Variants in HYCC1 observed in about 807,000 individuals in gnomAD.
HYCC1 encodes hyccin.
At chr7:22,897,320 C>A in the HYCC1 span, among the ~76,000 whole-genome samples, 1 of 152,148 alleles carries the variant, frequency 6.6e-6, no homozygotes, top group African/African-American at 2.4e-5. Flanking sequence ...TGACAGGAAA[C>A]AACTGGAGAG....
At chr7:22,999,587 T>G in the HYCC1 span, among the ~76,000 whole-genome samples, 1 of 152,140 alleles carries the variant, frequency 6.6e-6, no homozygotes, top group Admixed American at 6.6e-5. Context: ...ATATAATTTA[T>G]CCAGACAGTA....
the HYCC1 span, among the ~76,000 whole-genome samples, chr7:22,979,413 A>C: frequency 2.0e-5 from 3 of 152,234 alleles, no homozygotes; most frequent in Non-Finnish European, 4.4e-5. Context: ...AGAGGGCAAC[A>C]GATGTCCACT....
the HYCC1 span, among the ~76,000 whole-genome samples, chr7:22,996,450 G>C: frequency 6.6e-6 from 1 of 151,680 alleles, no homozygotes; most frequent in African/African-American, 2.4e-5. Context: ...ACATGTGCAG[G>C]TTTGTTACAT....
At chr7:22,912,702 C>A in the HYCC1 span, among the ~76,000 whole-genome samples, 7 of 152,176 alleles carry the variant, frequency 4.6e-5, no homozygotes, top group African/African-American at 1.7e-4. Flanking sequence ...CCCAAAGTAA[C>A]TGACCATTTG....
At chr7:22,946,363 G>A in the HYCC1 span, among the ~76,000 whole-genome samples, 1 of 152,032 alleles carries the variant, frequency 6.6e-6, no homozygotes, top group Non-Finnish European at 1.5e-5. Context: ...TTAAATGACA[G>A]TAATTTATAG....
the HYCC1 span, among the ~76,000 whole-genome samples, chr7:22,967,430 G>T: frequency 1.4e-4 from 22 of 152,322 alleles, no homozygotes; most frequent in Middle Eastern, 0.01. Flanking sequence ...ATTTTAGCAG[G>T]ATAGAGGGCT....
chr7:22,969,727 T>C, the HYCC1 span, among the ~76,000 whole-genome samples: 1 of 152,132 alleles, frequency 6.6e-6, no homozygotes, highest in Non-Finnish European at 1.5e-5. Context: ...TTTTGCCATG[T>C]TGGCCAGGCT....
At chr7:23,006,231 A>G in the HYCC1 span, among the ~76,000 whole-genome samples, 1 of 152,180 alleles carries the variant, frequency 6.6e-6, no homozygotes, top group Non-Finnish European at 1.5e-5. Context: ...GTTCAAAAAG[A>G]TAAATATAGA....
the HYCC1 span, among the ~76,000 whole-genome samples, chr7:22,915,430 C>A: frequency 6.6e-6 from 1 of 152,232 alleles, no homozygotes. Flanking sequence ...GGAATGCCTG[C>A]AGCCCAGGAT....
chr7:22,987,566 A>T, the HYCC1 span, among the ~76,000 whole-genome samples: 2 of 152,246 alleles, frequency 1.3e-5, no homozygotes, highest in African/African-American at 4.8e-5. Flanking sequence ...AAAAAAGAAA[A>T]TACTAATGAG....
the HYCC1 span, among the ~76,000 whole-genome samples, chr7:22,898,642 G>T: frequency 7.8e-6 from 1 of 128,110 alleles, no homozygotes; most frequent in East Asian, 2.3e-4. Context: ...TCGTTCTGTC[G>T]CCCAGCCTGG....
the HYCC1 span, chr7:22,964,552 G>T: frequency 1.4e-6 from 2 of 1,386,376 alleles, no homozygotes; most frequent in African/African-American, 1.4e-5. Flanking sequence ...CAAAATAAAT[G>T]TATTTCTAAA....
chr7:22,924,178 A>AAAG, the HYCC1 span, among the ~76,000 whole-genome samples: 1 of 40,066 alleles, frequency 2.5e-5, no homozygotes, highest in African/African-American at 6.1e-5. Context: ...ACTCTGTATC[A>AAAG]AAAAAAAAAA....
chr7:22,997,683 C>T, the HYCC1 span, among the ~76,000 whole-genome samples: 23 of 152,096 alleles, frequency 1.5e-4, no homozygotes, highest in African/African-American at 5.3e-4. Flanking sequence ...AGTGTTGATG[C>T]CTCACTGCCT....
At chr7:22,980,767 G>A in the HYCC1 span, among the ~76,000 whole-genome samples, 3 of 152,062 alleles carry the variant, frequency 2.0e-5, no homozygotes, top group Non-Finnish European at 4.4e-5. Context: ...CTGGACTCCC[G>A]ACTCCTAGAA....
the HYCC1 span, among the ~76,000 whole-genome samples, chr7:22,926,828 C>T: frequency 6.6e-6 from 1 of 151,524 alleles, no homozygotes; most frequent in African/African-American, 2.4e-5. Flanking sequence ...CTGCACCAAG[C>T]AGACCTAATA....
At chr7:22,976,872 A>C in the HYCC1 span, 3 of 889,574 alleles carry the variant, frequency 3.4e-6, no homozygotes, top group Non-Finnish European at 5.6e-6. Context: ...GATATATAGA[A>C]TATATATATA....
At chr7:22,945,238 CCAAAA>C in the HYCC1 span, 2 of 311,848 alleles carry the variant, frequency 6.4e-6, no homozygotes, top group Non-Finnish European at 1.2e-5. Context: ...CCAAACCAAA[CCAAAA>C]CAAGAAAAAC....
chr7:22,905,140 T>C, the HYCC1 span, among the ~76,000 whole-genome samples: 1 of 152,102 alleles, frequency 6.6e-6, no homozygotes, highest in Non-Finnish European at 1.5e-5. Flanking sequence ...TCATGACAGA[T>C]CCACCCCCGT....
Sources: gnomAD v4.1 joint callset for allele counts (sites outside exome capture counted in the v4.1 genomes callset) on GRCh38, gnomAD v4.1.1 for gene constraint, MANE v1.5 for transcripts, NCBI Gene and HGNC (gene_info 2026-07-23, HGNC 2026-07-21) for gene names.